IGF1R: variants seen among roughly 807,000 people sequenced by gnomAD.
IGF1R encodes insulin like growth factor 1 receptor.
A neutral mutation model predicts 144.6 loss-of-function variants in IGF1R; 44 were observed. The observed-to-expected ratio is 0.30, with a 90% confidence interval of 0.24 to 0.39. IGF1R has a LOEUF of 0.39. Among genes scored for constraint, IGF1R ranks in the 10% least tolerant of loss-of-function variants. IGF1R has a pLI of 1.00. For missense variants in IGF1R, 1,355 were observed against 1,833.7 expected (o/e 0.74, Z 4.77); for synonymous variants, 795 against 722.8 (o/e 1.10, Z -1.60).
chr15:98,728,813 T>C (rs1204641759), intron 2 of IGF1R, among the ~76,000 whole-genome samples: 2 of 152,242 alleles, frequency 1.3e-5, no homozygotes, highest in Non-Finnish European at 2.9e-5. Flanking sequence ...AGCACCTTTA[T>C]CCTATGACAA....
intron 2 of IGF1R, among the ~76,000 whole-genome samples, chr15:98,737,202 A>G (rs910323840): frequency 6.6e-6 from 1 of 152,174 alleles, no homozygotes; most frequent in Non-Finnish European, 1.5e-5. Flanking sequence ...CATCTGACTT[A>G]CACAGTGGTA....
intron 2 of IGF1R, among the ~76,000 whole-genome samples, chr15:98,770,230 G>C (rs983192153): frequency 6.6e-6 from 1 of 152,156 alleles, no homozygotes; most frequent in African/African-American, 2.4e-5. Context: ...GGGATTAAAA[G>C]TTAGAGGAAG....
intron 2 of IGF1R, among the ~76,000 whole-genome samples, chr15:98,747,231 T>C (rs2054890880): frequency 1.3e-5 from 2 of 152,070 alleles, no homozygotes; most frequent in South Asian, 4.2e-4. Flanking sequence ...AGTTTCACTC[T>C]TGTCACCCAG....
intron 2 of IGF1R, among the ~76,000 whole-genome samples, chr15:98,765,336 T>G (rs372093924): frequency 0.022 from 1,865 of 83,708 alleles, 54 homozygotes; most frequent in African/African-American, 0.065. Context: ...TTTTTTTTTT[T>G]GAGACAGTCT....
At chr15:98,649,767 A>T (rs905121924) in intron 1 of IGF1R, 92 bp downstream of exon 1, 3 of 963,708 alleles carry the variant, frequency 3.1e-6, no homozygotes, top group Non-Finnish European at 4.9e-6. Flanking sequence ...CCACCGTCGC[A>T]GCTGTCGGGC....
chr15:98,950,899 T>G (rs1356668405), intron 20 of IGF1R, among the ~76,000 whole-genome samples: 1 of 152,218 alleles, frequency 6.6e-6, no homozygotes. Flanking sequence ...GTGCTATTTT[T>G]GTTTCAAAGC....
chr15:98,697,520 TG>T (rs2053621896), intron 1 of IGF1R, among the ~76,000 whole-genome samples: 1 of 152,034 alleles, frequency 6.6e-6, no homozygotes, highest in Non-Finnish European at 1.5e-5. Context: ...ACACCTGGTA[TG>T]GGTGGCATCT....
chr15:98,934,714 G>A, intron 15 of IGF1R, 110 bp from the exon 16 acceptor site: 1 of 896,504 alleles, frequency 1.1e-6, no homozygotes, highest in South Asian at 1.4e-5. Context: ...GGTATTCTCT[G>A]TGGGTTTAAG....
chr15:98,727,271 G>A (rs1298089752), intron 2 of IGF1R, among the ~76,000 whole-genome samples: 3 of 152,170 alleles, frequency 2.0e-5, no homozygotes, highest in Non-Finnish European at 2.9e-5. Flanking sequence ...CGTACAGAGA[G>A]TAAAATATAT....
Position 98,964,252 on chromosome 15 carries a change from A to G in IGF1R, c.*6810A>G, listed in dbSNP as rs772224471. ...AAAAAAAAAGGTAATAACATGGCCA[A>G]TTTGTTACATAAAATGACTTTCTGT... is the stretch of plus-strand genomic sequence containing the variant. On this transcript the variant is annotated 3_prime_UTR_variant, in exon 21 of 21. Coordinates refer to ENST00000650285, the MANE Select transcript of IGF1R (RefSeq NM_000875.5). 1.7e-5 allele frequency: 4 copies of G among 232,570 alleles called. No individual in the cohort carries two copies. Among genetic ancestry groups the G allele is most frequent in the African/African-American group, 4.4e-5 (2 of 45,278 alleles). 14.4% of individuals were successfully genotyped at this position (232,570 alleles called of 1,614,324 possible).
intron 2 of IGF1R, among the ~76,000 whole-genome samples, chr15:98,839,664 G>A (rs1201623506): frequency 6.6e-6 from 1 of 152,218 alleles, no homozygotes; most frequent in Non-Finnish European, 1.5e-5. Context: ...AGTGGTAGAT[G>A]AGATAGAGCA....
At chr15:98,720,237 A>G (rs1249100718) in intron 2 of IGF1R, among the ~76,000 whole-genome samples, 2 of 152,218 alleles carry the variant, frequency 1.3e-5, no homozygotes, top group Admixed American at 6.5e-5. Context: ...GACAAGAAGT[A>G]TAGGGAGCAG....
At chr15:98,953,514 A>G (rs67075483) in intron 20 of IGF1R, among the ~76,000 whole-genome samples, 5,925 of 152,230 alleles carry the variant, frequency 0.039, 128 homozygotes, top group African/African-American at 0.058. Flanking sequence ...GGTCACACAG[A>G]TGAGCCAGGA....
Position 98,707,236 on chromosome 15 carries a change from G to T in IGF1R, c.95-326G>T, listed in dbSNP as rs940562066. On this transcript the variant is annotated intron_variant, in intron 1 of 20. Coordinates refer to ENST00000650285, the MANE Select transcript of IGF1R (RefSeq NM_000875.5). This position sits in a 1 kb window ranked among gnomAD's most constrained non-coding sequence, Gnocchi z 6.7. ...CGGTGGTGGAGTCCGGCTGGCCTGG[G>T]TTGCAGATTTAACTTTCGCCTCTGC... Among the ~76,000 whole-genome samples, 1 of 152,190 alleles carries T rather than the reference G, an allele frequency of 6.6e-6. No individual in the cohort carries two copies. The highest frequency in any genetic ancestry group is 2.4e-5 in the African/African-American group (1 of 41,448).
intron 5 of IGF1R, 46 bp downstream of exon 5, chr15:98,899,667 G>A (rs1455566650): frequency 2.5e-6 from 4 of 1,593,404 alleles, no homozygotes; most frequent in Non-Finnish European, 2.6e-6. Context: ...TACAAAATAA[G>A]CAGCGTGCTT....
intron 19 of IGF1R, among the ~76,000 whole-genome samples, chr15:98,944,109 G>A (rs1291425080): frequency 1.3e-5 from 2 of 152,218 alleles, no homozygotes; most frequent in East Asian, 1.9e-4. Context: ...GGTGAGGAGA[G>A]AGCAAGCCTG....
rs2017163004 is a variant in IGF1R at position 98,960,028 on chromosome 15, A to AT, written c.*2592dup. On this transcript the variant is annotated 3_prime_UTR_variant, in exon 21 of 21. Coordinates refer to ENST00000650285, the MANE Select transcript of IGF1R (RefSeq NM_000875.5). ...TGTGAGAGTGATGGGACAGTTCTTG[A>AT]TTTTTTGGGTTTTTTTTCCCCCAAA... 8.6e-6 allele frequency: 2 copies of AT among 233,048 alleles called. No individual in the cohort carries two copies. Among genetic ancestry groups the AT allele is most frequent in the South Asian group, 3.6e-4 (2 of 5,514 alleles). The allele number at this position is 233,048 out of a possible 1,614,324, so 14.4% of individuals were successfully genotyped here. A position where few individuals can be genotyped will look rare whatever the true frequency, so the allele number is the denominator to read the frequency against.
At chr15:98,893,728 C>T (rs1316585197) in intron 3 of IGF1R, among the ~76,000 whole-genome samples, 2 of 152,170 alleles carry the variant, frequency 1.3e-5, no homozygotes, top group African/African-American at 4.8e-5. Context: ...GAATGCTGTC[C>T]ATTTGACAGT....
intron 2 of IGF1R, among the ~76,000 whole-genome samples, chr15:98,776,282 T>C (rs980120576): frequency 1.4e-4 from 21 of 152,032 alleles, no homozygotes; most frequent in African/African-American, 4.8e-4. Flanking sequence ...CCTCCCGGGT[T>C]CCAGCAATTC....
Sources: allele counts gnomAD v4.1 joint callset (sites outside exome capture counted in the v4.1 genomes callset), GRCh38; gene constraint gnomAD v4.1.1; non-coding constraint Gnocchi (gnomAD v3.1); transcripts MANE v1.5; gene names NCBI Gene and HGNC (gene_info 2026-07-23, HGNC 2026-07-21).